NEMP2: variants seen among roughly 807,000 people sequenced by gnomAD.
The protein encoded by NEMP2 is UPF0571 transmembrane protein.
Under a neutral mutation model 54.2 loss-of-function variants are expected in NEMP2, and 53 were observed. The ratio of observed to expected loss-of-function variants is 0.98; its 90% CI spans 0.78 to 1.23. The LOEUF is 1.23. NEMP2 is among the 50% of genes most tolerant of loss of function. The pLI is 0.00. For missense variants in NEMP2, 455 were observed against 511.3 expected, an observed-to-expected ratio of 0.89 and a Z score of 1.06; for synonymous variants, 197 against 190.3, an observed-to-expected ratio of 1.04 and a Z score of -0.29.
the NEMP2 span, among the ~76,000 whole-genome samples, chr2:190,548,717 C>G: frequency 2.0e-5 from 3 of 152,182 alleles, no homozygotes; most frequent in Non-Finnish European, 2.9e-5. Flanking sequence ...ATCTTTATAT[C>G]TATCATGAAG....
At chr2:190,470,600 A>C in the NEMP2 span, among the ~76,000 whole-genome samples, 2 of 152,238 alleles carry the variant, frequency 1.3e-5, no homozygotes, top group Admixed American at 1.3e-4. Context: ...CCAGGCTACT[A>C]AATCATTAAT....
At chr2:190,567,427 C>T in the NEMP2 span, among the ~76,000 whole-genome samples, 1 of 151,970 alleles carries the variant, frequency 6.6e-6, no homozygotes, top group Admixed American at 6.6e-5. The surrounding 1 kb of genome is among the most constrained non-coding windows in gnomAD (Gnocchi z 4.0). Flanking sequence ...GTACCAAGTA[C>T]TCAACACAAC....
Position 190,534,651 on chromosome 2 carries a change from C to T in NEMP2, c.5G>A (p.Gly2Glu). 3 of 1,325,518 alleles carry T rather than the reference C, an allele frequency of 2.3e-6. No homozygotes were observed. Among genetic ancestry groups the T allele is most frequent in the Non-Finnish European group, 2.9e-6 (3 of 1,041,618 alleles). The allele number at this position is 1,325,518 out of a possible 1,614,324, so 82.1% of individuals were successfully genotyped here. A position where few individuals can be genotyped will look rare whatever the true frequency, so the allele number is the denominator to read the frequency against. ...CAGCCACCACCGCCCTTGGCGCGGC[C>T]CCATTTCGTTAGGGGTCAGCTCCGT... is the stretch of plus-strand genomic sequence containing the variant. M[G>E]PRQGRWWLLL... Residue 2 changes from glycine to glutamate, a missense_variant, in exon 1 of 9, where the codon GGG becomes GAG. Coordinates refer to ENST00000409150, the MANE Select transcript of NEMP2 (RefSeq NM_001142645.2).
At chr2:190,438,724 GT>G in the NEMP2 span, among the ~76,000 whole-genome samples, 596 of 152,334 alleles carry the variant, frequency 3.9e-3, 3 homozygotes, top group Middle Eastern at 0.02. This position sits in a 1 kb window ranked among gnomAD's most constrained non-coding sequence, Gnocchi z 5.2. Flanking sequence ...GCAACCGTAT[GT>G]GTTTGTGTGT....
chr2:190,432,903 TA>T, the NEMP2 span, among the ~76,000 whole-genome samples: 1 of 150,310 alleles, frequency 6.7e-6, no homozygotes, highest in Non-Finnish European at 1.5e-5. Flanking sequence ...TACTTGCATA[TA>T]AATCTAATAT....
chr2:190,455,261 A>C, the NEMP2 span, among the ~76,000 whole-genome samples: 1 of 147,210 alleles, frequency 6.8e-6, no homozygotes, highest in Non-Finnish European at 1.5e-5. Flanking sequence ...CATTATTACT[A>C]TTAAGTTATT....
At chr2:190,526,682 C>A (rs539583550) in intron 1 of NEMP2, among the ~76,000 whole-genome samples, 288 of 151,910 alleles carry the variant, frequency 1.9e-3, no homozygotes, top group African/African-American at 6.7e-3. Context: ...ATAGTGAGGC[C>A]CTTTACTCAG....
At chr2:190,540,371 C>T in the NEMP2 span, among the ~76,000 whole-genome samples, 1 of 151,930 alleles carries the variant, frequency 6.6e-6, no homozygotes, top group African/African-American at 2.4e-5. Context: ...GCAGCCTCAA[C>T]CCCCCAGGCT....
the NEMP2 span, among the ~76,000 whole-genome samples, chr2:190,598,117 T>C: frequency 2.6e-5 from 4 of 152,134 alleles, no homozygotes; most frequent in African/African-American, 9.7e-5. Context: ...CGGTAGCACC[T>C]TCCCTCTCTC....
the NEMP2 span, among the ~76,000 whole-genome samples, chr2:190,468,541 C>T: frequency 2.0e-5 from 3 of 151,636 alleles, no homozygotes; most frequent in African/African-American, 7.3e-5. Flanking sequence ...CAGCCTAGAC[C>T]TCCCAGGCTC....
the NEMP2 span, among the ~76,000 whole-genome samples, chr2:190,599,345 C>T: frequency 2.0e-5 from 3 of 152,086 alleles, no homozygotes; most frequent in Admixed American, 2.0e-4. Flanking sequence ...AAAGCTGAAG[C>T]TTTTGGGCTA....
rs551679817 is a variant in NEMP2, at chr2:190,529,752, G to A, written c.98-4374C>T. Among the ~76,000 whole-genome samples, 1 of 152,284 alleles carries A rather than the reference G, an allele frequency of 6.6e-6. No individual in the cohort carries two copies. The highest frequency in any genetic ancestry group is 1.9e-4 in the East Asian group (1 of 5,174). On this transcript the variant is annotated intron_variant, in intron 1 of 8. Coordinates refer to ENST00000409150, the MANE Select transcript of NEMP2 (RefSeq NM_001142645.2). The surrounding 1 kb of genome is among the most constrained non-coding windows in gnomAD (Gnocchi z 4.7). ...ATGGAAGTCCAGCCAATCTTTGTAA[G>A]AGCCTGGCCAGGAATAGTCAGCACC... is the stretch of plus-strand genomic sequence containing the variant.
chr2:190,538,905 A>G (rs1452581078), upstream of NEMP2, among the ~76,000 whole-genome samples: 4 of 152,028 alleles, frequency 2.6e-5, no homozygotes, highest in Admixed American at 2.0e-4. The surrounding 1 kb of genome is among the most constrained non-coding windows in gnomAD (Gnocchi z 4.1). Flanking sequence ...CTCTCATTCT[A>G]TGGGTTGTCT....
the NEMP2 span, among the ~76,000 whole-genome samples, chr2:190,496,705 C>T: frequency 2.0e-5 from 3 of 151,890 alleles, no homozygotes; most frequent in Non-Finnish European, 4.4e-5. This position sits in a 1 kb window ranked among gnomAD's most constrained non-coding sequence, Gnocchi z 4.7. Context: ...CATATACATA[C>T]ATACACAATG....
chr2:190,513,963 T>C lies in NEMP2; in HGVS notation c.953+490A>G, dbSNP rs1276432053. On this transcript the variant is annotated intron_variant, in intron 7 of 8. Coordinates refer to ENST00000409150, the MANE Select transcript of NEMP2 (RefSeq NM_001142645.2). The surrounding 1 kb of genome is among the most constrained non-coding windows in gnomAD (Gnocchi z 5.3). ...ACAAAGCTGTCACAATAGAGGTTAC[T>C]TCATTTTTCTTTTTATACTCCAAAG... Among the ~76,000 whole-genome samples the C allele has an allele frequency of 6.6e-6, 1 of 152,198 alleles. No individual in the cohort carries two copies. The highest frequency in any genetic ancestry group is 2.4e-5 in the African/African-American group (1 of 41,448).
Position 190,520,197 on chromosome 2 carries a change from G to C in NEMP2, c.214-1014C>G, listed in dbSNP as rs1396956854. 6.6e-6 allele frequency among the ~76,000 whole-genome samples: 1 copy of C among 152,040 alleles called. No individual in the cohort carries two copies. The highest frequency in any genetic ancestry group is 1.5e-5 in the Non-Finnish European group (1 of 68,012). ...ATGAGTAGGCATAGTTTGAAAATAG[G>C]GTTTATATTTACACCATTTTCTACT... On this transcript the variant is annotated intron_variant, in intron 2 of 8. Transcript: ENST00000409150. This position sits in a 1 kb window ranked among gnomAD's most constrained non-coding sequence, Gnocchi z 5.4.
At chr2:190,479,909 C>T in the NEMP2 span, among the ~76,000 whole-genome samples, 3 of 152,002 alleles carry the variant, frequency 2.0e-5, no homozygotes, top group South Asian at 2.1e-4. Context: ...ATTTATAAAG[C>T]GTTATTCTGT....
the NEMP2 span, among the ~76,000 whole-genome samples, chr2:190,563,275 A>G: frequency 6.6e-6 from 1 of 151,852 alleles, no homozygotes; most frequent in East Asian, 1.9e-4. This position sits in a 1 kb window ranked among gnomAD's most constrained non-coding sequence, Gnocchi z 4.3. Flanking sequence ...CCTCCCACAC[A>G]GGCCCAGTGA....
In NEMP2 at chr2:190,529,760, C is replaced by G. The variant is rs1327141520; in HGVS notation, c.98-4382G>C. Among the ~76,000 whole-genome samples, 2 of 152,120 alleles carry G rather than the reference C, an allele frequency of 1.3e-5. No individual in the cohort carries two copies. Among genetic ancestry groups the G allele is most frequent in the Non-Finnish European group, 2.9e-5 (2 of 68,026 alleles). ...CCAGCCAATCTTTGTAAGAGCCTGG[C>G]CAGGAATAGTCAGCACCGTAAAAGA... On this transcript the variant is annotated intron_variant, in intron 1 of 8. Coordinates refer to ENST00000409150, the MANE Select transcript of NEMP2 (RefSeq NM_001142645.2). The surrounding 1 kb of genome is among the most constrained non-coding windows in gnomAD (Gnocchi z 4.7).
Sources: gnomAD v4.1 joint callset for allele counts (sites outside exome capture counted in the v4.1 genomes callset) on GRCh38, gnomAD v4.1.1 for gene constraint, Gnocchi (gnomAD v3.1) non-coding constraint, MANE v1.5 for transcripts, NCBI Gene and HGNC (gene_info 2026-07-23, HGNC 2026-07-21) for gene names.